Variants in CDC73 observed in about 807,000 individuals in gnomAD.
CDC73 encodes cell division cycle 73.
Under a neutral mutation model 83.7 loss-of-function variants are expected in CDC73, and 21 were observed. The ratio of observed to expected loss-of-function variants is 0.25; its 90% CI spans 0.18 to 0.36. The LOEUF (loss-of-function observed/expected upper bound fraction) is 0.36. CDC73 is among the 10% of genes least tolerant of loss of function. The pLI is 1.00. For synonymous variants in CDC73, 224 were observed against 212.9 expected (o/e 1.05, Z -0.45); for missense variants, 342 against 653.3 (o/e 0.52, Z 5.19).
intron 13 of CDC73, among the ~76,000 whole-genome samples, chr1:193,220,697 T>C (rs1677453806): frequency 6.6e-6 from 1 of 152,216 alleles, no homozygotes; most frequent in Admixed American, 6.5e-5. Flanking sequence ...GACAAAATAT[T>C]CATTGAGCTG....
At chr1:193,149,702 G>T (rs1006793424) in intron 8 of CDC73, among the ~76,000 whole-genome samples, 3 of 152,174 alleles carry the variant, frequency 2.0e-5, no homozygotes, top group Admixed American at 1.3e-4. Context: ...AAAATGAAAA[G>T]TATTTCAGTC....
intron 10 of CDC73, among the ~76,000 whole-genome samples, chr1:193,167,748 A>G (rs1189271299): frequency 6.6e-6 from 1 of 152,086 alleles, no homozygotes; most frequent in East Asian, 1.9e-4. Context: ...TTAGTCTGGT[A>G]ATATTTATAT....
At chr1:193,237,500 A>G (rs976594703) in intron 15 of CDC73, among the ~76,000 whole-genome samples, 2 of 152,178 alleles carry the variant, frequency 1.3e-5, no homozygotes, top group African/African-American at 4.8e-5. Context: ...AGCAAAGATT[A>G]GATAACCTGG....
At chr1:193,161,508 C>G (rs999525715) in intron 10 of CDC73, among the ~76,000 whole-genome samples, 1 of 141,620 alleles carries the variant, frequency 7.1e-6, no homozygotes. Context: ...TATATAAGAT[C>G]AAATTAGAGT....
chr1:193,137,277 A>G (rs543515587), intron 5 of CDC73, among the ~76,000 whole-genome samples: 1 of 152,302 alleles, frequency 6.6e-6, no homozygotes, highest in African/African-American at 2.4e-5. Flanking sequence ...TCATTTTAAG[A>G]TTTTTACATG....
At position 193,245,048 on chromosome 1, in the gene CDC73, G is replaced by T. The variant is rs118067121; in HGVS notation, c.1418-4682G>T. Among the ~76,000 whole-genome samples the T allele has an allele frequency of 7.2e-3, 1,090 of 152,100 alleles. 51 individuals are homozygous for T. In the East Asian group the frequency reaches 0.15, roughly 21 times the overall value. On this transcript the variant is annotated intron_variant, in intron 15 of 16. Transcript: ENST00000367435. ...TGCCATATAATTGTACATATTTATG[G>T]GGTACATAGTGATATTTTGATACAT... is the stretch of plus-strand genomic sequence containing the variant.
rs752875651 is a variant in CDC73, at chr1:193,236,235, C to A, written c.1317-21C>A. 1.1e-5 allele frequency: 16 copies of A among 1,505,400 alleles called. No homozygotes were observed. The Admixed American group carries it at 2.7e-4, about 25-fold the overall frequency. The allele number at this position is 1,505,400 out of a possible 1,614,324, so 93.3% of individuals were successfully genotyped here. ...TCTCCGTCTGTCCCCTACCTCCCCC[C>A]ACCCACTTTTCTACTTGTAGGGACC... On this transcript the variant is annotated intron_variant, in intron 14 of 16. Transcript: ENST00000367435.
At chr1:193,248,318 C>T (rs1393934626) in intron 15 of CDC73, among the ~76,000 whole-genome samples, 7 of 152,048 alleles carry the variant, frequency 4.6e-5, no homozygotes. Context: ...ACCTACTGCT[C>T]AGAAATAAAG....
chr1:193,248,161 G>C (rs773765552), intron 15 of CDC73, among the ~76,000 whole-genome samples: 7 of 152,046 alleles, frequency 4.6e-5, no homozygotes, highest in Non-Finnish European at 8.8e-5. Context: ...GTTGCAACCA[G>C]TGGTCACTTA....
intron 6 of CDC73, among the ~76,000 whole-genome samples, chr1:193,140,090 C>G (rs1675878648): frequency 6.6e-6 from 1 of 152,196 alleles, no homozygotes; most frequent in Non-Finnish European, 1.5e-5. Flanking sequence ...TTCTTCTTAT[C>G]AGAGAATCCG....
chr1:193,212,480 A>C lies in CDC73; in HGVS notation c.1154+3A>C. 6.6e-7 allele frequency: 1 copy of C among 1,521,612 alleles called. No individual in the cohort carries two copies. Among genetic ancestry groups the C allele is most frequent in the Non-Finnish European group, 9.1e-7 (1 of 1,097,252 alleles). 94.3% of individuals were successfully genotyped at this position (1,521,612 alleles called of 1,614,324 possible). On this transcript the variant is annotated splice_donor_region_variant and intron_variant, in intron 13 of 16. Coordinates refer to ENST00000367435, the MANE Select transcript of CDC73 (RefSeq NM_024529.5). ...AAAGACCTTCTACAGGACCTGAAGT[A>C]AGTAATTTATTAAACTATCCTGTAC...
At chr1:193,218,385 T>G (rs773445734) in intron 13 of CDC73, among the ~76,000 whole-genome samples, 8 of 152,206 alleles carry the variant, frequency 5.3e-5, no homozygotes, top group Non-Finnish European at 1.0e-4. Context: ...AACTACCAGA[T>G]TTCATTTTTC....
chr1:193,250,192 C>G (rs569311613), intron 16 of CDC73, among the ~76,000 whole-genome samples: 2 of 151,886 alleles, frequency 1.3e-5, no homozygotes, highest in African/African-American at 4.8e-5. Context: ...TAAGAGAACC[C>G]TGTGTTTTTT....
At chr1:193,206,390 C>T (rs1365448362) in intron 11 of CDC73, among the ~76,000 whole-genome samples, 1 of 152,176 alleles carries the variant, frequency 6.6e-6, no homozygotes, top group Non-Finnish European at 1.5e-5. Context: ...ATCCACATTT[C>T]CTACCCATCA....
At chr1:193,180,884 A>G (rs1378462176) in intron 10 of CDC73, 1 of 1,613,740 alleles carries the variant, frequency 6.2e-7, no homozygotes, top group African/African-American at 1.3e-5. Context: ...TTAATGGTCA[A>G]ATTATAGTAC....
At chr1:193,201,787 A>G (rs1302322999) in intron 10 of CDC73, among the ~76,000 whole-genome samples, 1 of 152,054 alleles carries the variant, frequency 6.6e-6, no homozygotes, top group Non-Finnish European at 1.5e-5. Flanking sequence ...TGCCTGACCC[A>G]TGTTGTAAAA....
At chr1:193,154,493 A>G (rs1242255569) in intron 10 of CDC73, among the ~76,000 whole-genome samples, 1 of 152,240 alleles carries the variant, frequency 6.6e-6, no homozygotes, top group Admixed American at 6.5e-5. Context: ...TTTAAGCAAT[A>G]TACTGAAGTA....
In CDC73 at chr1:193,242,748, G is replaced by A. The variant is rs1180424027; in HGVS notation, c.1417+6392G>A. 3.3e-5 allele frequency among the ~76,000 whole-genome samples: 5 copies of A among 152,082 alleles called. No individual in the cohort carries two copies. The East Asian group carries it at 5.8e-4, about 18-fold the overall frequency. ...ATTATCCCTTTATCATTTGTCATGC[G>A]ATCAGTATATCTAAATATTAAAAGG... On this transcript the variant is annotated intron_variant, in intron 15 of 16. Coordinates refer to ENST00000367435, the MANE Select transcript of CDC73 (RefSeq NM_024529.5).
In CDC73 at chr1:193,229,251, A is replaced by C. The variant is rs192753068; in HGVS notation, c.1155-3742A>C. On this transcript the variant is annotated intron_variant, in intron 13 of 16. Transcript: ENST00000367435. ...GAAATGAAAGCATGTGTTCACAAAA[A>C]CACTTATACAGGAATTATTTATGTT... 8.0e-4 allele frequency among the ~76,000 whole-genome samples: 122 copies of C among 152,350 alleles called. 2 individuals are homozygous for C. In the East Asian group the frequency reaches 0.019, roughly 23 times the overall value.
Sources: gnomAD v4.1 joint callset for allele counts (sites outside exome capture counted in the v4.1 genomes callset) on GRCh38, gnomAD v4.1.1 for gene constraint, MANE v1.5 for transcripts, NCBI Gene and HGNC (gene_info 2026-07-23, HGNC 2026-07-21) for gene names.